Variants in ATRNL1 observed in about 807,000 individuals in gnomAD.
ATRNL1 encodes attractin like 1, also known as attractin-like protein 1.
Under a neutral mutation model 182.7 loss-of-function variants are expected in ATRNL1, and 95 were observed. That is an observed-to-expected ratio of 0.52 (90% CI 0.44 to 0.62). The LOEUF (loss-of-function observed/expected upper bound fraction) is 0.62, where lower values mean the gene tolerates loss of function less well. Among genes scored for constraint, ATRNL1 ranks in the 20% least tolerant of loss-of-function variants. ATRNL1 has a pLI of 0.00. For missense variants in ATRNL1, 1,471 were observed against 1,679.5 expected (o/e 0.88, Z 2.17); for synonymous variants, 576 against 568.3 (o/e 1.01, Z -0.19).
chr10:115,809,341 A>C (rs1199976835), intron 27 of ATRNL1, among the ~76,000 whole-genome samples: 11 of 152,108 alleles, frequency 7.2e-5, no homozygotes, highest in East Asian at 3.9e-4. Flanking sequence ...TTTAGAATCA[A>C]CTTTTTCAAT....
intron 18 of ATRNL1, among the ~76,000 whole-genome samples, chr10:115,331,805 A>C (rs768943574): frequency 6.6e-6 from 1 of 151,968 alleles, no homozygotes; most frequent in Non-Finnish European, 1.5e-5. Context: ...CTTTGACATG[A>C]TTGTCTAATG....
At chr10:115,919,225 G>A (rs1446477450) in intron 28 of ATRNL1, among the ~76,000 whole-genome samples, 1 of 152,182 alleles carries the variant, frequency 6.6e-6, no homozygotes, top group African/African-American at 2.4e-5. Context: ...TGCAAAAGAG[G>A]TGTTCCAATT....
intron 26 of ATRNL1, among the ~76,000 whole-genome samples, chr10:115,583,215 A>C (rs1855251353): frequency 6.9e-6 from 1 of 144,482 alleles, no homozygotes; most frequent in Non-Finnish European, 1.5e-5. Flanking sequence ...CTTAGGATTG[A>C]CTTGGCGATG....
intron 13 of ATRNL1, among the ~76,000 whole-genome samples, chr10:115,269,007 T>C (rs1406766839): frequency 6.6e-6 from 1 of 152,214 alleles, no homozygotes; most frequent in Non-Finnish European, 1.5e-5. Flanking sequence ...TGGCATCTAA[T>C]AGGTAGAAGC....
intron 27 of ATRNL1, among the ~76,000 whole-genome samples, chr10:115,761,862 A>G (rs1033683823): frequency 1.3e-5 from 2 of 152,196 alleles, no homozygotes; most frequent in African/African-American, 2.4e-5. Flanking sequence ...AATAGGTAAA[A>G]CACCTAGGAT....
At chr10:115,573,227 G>C (rs1854509829) in intron 26 of ATRNL1, among the ~76,000 whole-genome samples, 1 of 152,168 alleles carries the variant, frequency 6.6e-6, no homozygotes, top group South Asian at 2.1e-4. Flanking sequence ...CGGAAGCAGG[G>C]ATGGAGTGGG....
At chr10:115,376,696 G>A (rs1554949634) in intron 19 of ATRNL1, among the ~76,000 whole-genome samples, 6 of 152,054 alleles carry the variant, frequency 3.9e-5, no homozygotes, top group Non-Finnish European at 1.5e-5. Context: ...TTGTCACAGA[G>A]TATTTTTTGG....
chr10:115,649,696 G>GA (rs1565248686), intron 26 of ATRNL1, among the ~76,000 whole-genome samples: 2 of 151,934 alleles, frequency 1.3e-5, no homozygotes, highest in African/African-American at 2.4e-5. Flanking sequence ...TGAATGAAAA[G>GA]AAAAAAACCT....
intron 27 of ATRNL1, among the ~76,000 whole-genome samples, chr10:115,831,723 G>A (rs547716319): frequency 1.3e-5 from 2 of 151,388 alleles, no homozygotes; most frequent in South Asian, 2.1e-4. Flanking sequence ...GGGTAGTAAA[G>A]GCTGCTCTCA....
At chr10:115,587,467 C>T (rs1200064316) in intron 26 of ATRNL1, among the ~76,000 whole-genome samples, 16 of 151,822 alleles carry the variant, frequency 1.1e-4, no homozygotes, top group South Asian at 4.2e-4. Flanking sequence ...CGTGGTGTGC[C>T]GTTGTTTTAG....
intron 9 of ATRNL1, among the ~76,000 whole-genome samples, chr10:115,228,550 A>G (rs34500806): frequency 0.064 from 9,764 of 152,112 alleles, 434 homozygotes; most frequent in Non-Finnish European, 0.099. Flanking sequence ...CTTTTCTCTG[A>G]TAGTGGAGAC....
intron 28 of ATRNL1, among the ~76,000 whole-genome samples, chr10:115,918,225 C>T (rs1469001207): frequency 3.3e-5 from 5 of 151,858 alleles, no homozygotes; most frequent in East Asian, 1.9e-4. Context: ...CTCAGCCCCC[C>T]GAGTAACTGG....
At chr10:115,495,298 A>G (rs1849489286) in intron 24 of ATRNL1, among the ~76,000 whole-genome samples, 1 of 151,380 alleles carries the variant, frequency 6.6e-6, no homozygotes, top group Non-Finnish European at 1.5e-5. Flanking sequence ...TTTTTGTATG[A>G]TTTTGTGTCT....
At chr10:115,533,883 G>C (rs1392116259) in intron 25 of ATRNL1, among the ~76,000 whole-genome samples, 2 of 150,522 alleles carry the variant, frequency 1.3e-5, no homozygotes, top group African/African-American at 4.9e-5. Flanking sequence ...TTCAGGAGCA[G>C]GTTGTTCAGT....
chr10:115,162,160 A>G (rs1846819828), intron 6 of ATRNL1, among the ~76,000 whole-genome samples: 1 of 151,528 alleles, frequency 6.6e-6, no homozygotes, highest in South Asian at 2.1e-4. Flanking sequence ...AAAAAAAAAC[A>G]CTATTACCAA....
intron 26 of ATRNL1, among the ~76,000 whole-genome samples, chr10:115,656,291 AATATT>A (rs1409657633): frequency 3.9e-5 from 6 of 152,208 alleles, no homozygotes; most frequent in Non-Finnish European, 8.8e-5. Flanking sequence ...GTTTTGATAT[AATATT>A]AAAGAGAAAA....
At chr10:115,625,941 A>G (rs532642388) in intron 26 of ATRNL1, among the ~76,000 whole-genome samples, 22 of 152,082 alleles carry the variant, frequency 1.4e-4, no homozygotes, top group Admixed American at 3.3e-4. Flanking sequence ...GCATACCCTT[A>G]CTTAAACAAT....
intron 19 of ATRNL1, among the ~76,000 whole-genome samples, chr10:115,393,985 A>T (rs1426074525): frequency 6.6e-6 from 1 of 152,074 alleles, no homozygotes; most frequent in Admixed American, 6.6e-5. Context: ...ATCTAAAAGG[A>T]TACTCTAAAA....
intron 1 of ATRNL1, among the ~76,000 whole-genome samples, chr10:115,113,727 T>C (rs146162595): frequency 0.018 from 2,785 of 152,296 alleles, 101 homozygotes; most frequent in African/African-American, 0.064. Context: ...CTTTCTTTTG[T>C]AAATTGCCCA....
Sources: allele counts gnomAD v4.1 joint callset (sites outside exome capture counted in the v4.1 genomes callset), GRCh38; gene constraint gnomAD v4.1.1; transcripts MANE v1.5; gene names NCBI Gene and HGNC (gene_info 2026-07-23, HGNC 2026-07-21).